The following RCAN3 variants were observed in gnomAD, a reference collection of about 807,000 sequenced individuals.
The protein encoded by RCAN3 is regulator of calcineurin 3.
A neutral mutation model predicts 21.9 loss-of-function variants in RCAN3; 19 were observed. That is an observed-to-expected ratio of 0.87 (90% CI 0.61 to 1.27). RCAN3 has a LOEUF of 1.27. Among genes scored for constraint, RCAN3 ranks in the 50% most tolerant of loss-of-function variants. The probability of loss-of-function intolerance (pLI) is 0.00; values close to 1 mark genes in which losing one functional copy is unlikely to be tolerated. For synonymous variants in RCAN3, 114 were observed against 112.3 expected, an observed-to-expected ratio of 1.01 and a Z score of -0.09; for missense variants, 240 against 300.1, an observed-to-expected ratio of 0.80 and a Z score of 1.48.
At chr1:24,526,881 A>G (rs1265643578) in intron 2 of RCAN3, among the ~76,000 whole-genome samples, 4 of 152,204 alleles carry the variant, frequency 2.6e-5, no homozygotes, top group African/African-American at 4.8e-5. Flanking sequence ...AAAGCTAGCC[A>G]CCTTTGAAAT....
chr1:24,502,792 T>C (rs1213879349), upstream of RCAN3: 1 of 150,400 alleles, frequency 6.6e-6, no homozygotes, highest in East Asian at 2.0e-4. Flanking sequence ...GTCCCCGCCT[T>C]GTCCTGGGCT....
At chr1:24,517,817 A>G (rs1648465992) in intron 2 of RCAN3, among the ~76,000 whole-genome samples, 1 of 151,888 alleles carries the variant, frequency 6.6e-6, no homozygotes, top group Non-Finnish European at 1.5e-5. Flanking sequence ...ACAGAGTGAG[A>G]CCTCGTTTCT....
intron 4 of RCAN3, 114 bp downstream of exon 4, chr1:24,533,368 C>A: frequency 2.5e-6 from 2 of 791,346 alleles, no homozygotes; most frequent in Non-Finnish European, 1.8e-6. Context: ...AAGTCAAACA[C>A]ACCTGGGTTC....
Position 24,538,921 on chromosome 1 carries a change from A to T in RCAN3, c.*3644A>T, listed in dbSNP as rs1040101233. The T allele has an allele frequency of 6.6e-5, 10 of 152,102 alleles. No homozygotes were observed. Among genetic ancestry groups the T allele is most frequent in the Non-Finnish European group, 1.5e-4 (10 of 67,990 alleles). The allele number at this position is 152,102 out of a possible 1,614,324, so 9.4% of individuals were successfully genotyped here. A position where few individuals can be genotyped will look rare whatever the true frequency, so the allele number is the denominator to read the frequency against. ...CAAGACCAGCCTGGGCAACATAGCA[A>T]GTCCCTGGCTCAAAAAAAAAAAAGT... is the stretch of plus-strand genomic sequence containing the variant. On this transcript the variant is annotated 3_prime_UTR_variant, in exon 5 of 5. Transcript: ENST00000374395.
upstream of RCAN3, chr1:24,502,784 C>T (rs1224632916): frequency 6.6e-6 from 1 of 151,106 alleles, no homozygotes; most frequent in African/African-American, 2.4e-5. Flanking sequence ...CCGCCCGGGT[C>T]CCCGCCTTGT....
rs955832607 is a variant in RCAN3, at chr1:24,539,983, A to T, written c.*4706A>T. ...CTGTAAGTCCATGTTACAGAAACTC[A>T]CTATTTAAAAAGTTTTAAAAGATTT... On this transcript the variant is annotated 3_prime_UTR_variant, in exon 5 of 5. Coordinates refer to ENST00000374395, the MANE Select transcript of RCAN3 (RefSeq NM_013441.4). 6.6e-6 allele frequency: 1 copy of T among 152,248 alleles called. No individual in the cohort carries two copies. Among genetic ancestry groups the T allele is most frequent in the Non-Finnish European group, 1.5e-5 (1 of 68,050 alleles). 9.4% of individuals were successfully genotyped at this position (152,248 alleles called of 1,614,324 possible). A position where few individuals can be genotyped will look rare whatever the true frequency, so the allele number is the denominator to read the frequency against.
intron 1 of RCAN3, among the ~76,000 whole-genome samples, chr1:24,512,522 A>G (rs1157007825): frequency 7.9e-5 from 12 of 152,176 alleles, no homozygotes; most frequent in African/African-American, 2.4e-4. Flanking sequence ...CAGAAAATGT[A>G]TATACAAATG....
At position 24,535,531 on chromosome 1, in the gene RCAN3, C is replaced by G. The variant is rs370289589; in HGVS notation, c.*254C>G. 1.2e-4 allele frequency: 45 copies of G among 371,668 alleles called. No homozygotes were observed. The highest frequency in any genetic ancestry group is 8.3e-4 in the African/African-American group (40 of 48,056). 23.0% of individuals were successfully genotyped at this position (371,668 alleles called of 1,614,324 possible). A position where few individuals can be genotyped will look rare whatever the true frequency, so the allele number is the denominator to read the frequency against. Reference sequence around the variant, plus strand: ...GCCCCCAAGATGTGGCCACCCTTAACCATTTTTAAATAGTAACAAATTAGG... The same window carrying G: ...GCCCCCAAGATGTGGCCACCCTTAAGCATTTTTAAATAGTAACAAATTAGG... On this transcript the variant is annotated 3_prime_UTR_variant, in exon 5 of 5. Transcript: ENST00000374395.
chr1:24,527,030 T>C (rs954994586), intron 2 of RCAN3, among the ~76,000 whole-genome samples: 1 of 152,206 alleles, frequency 6.6e-6, no homozygotes, highest in African/African-American at 2.4e-5. Flanking sequence ...TATTTTGTTA[T>C]TTATGTATAT....
chr1:24,503,719 TTC>T (rs1243552691), intron 1 of RCAN3, among the ~76,000 whole-genome samples: 1 of 152,226 alleles, frequency 6.6e-6, no homozygotes, highest in Non-Finnish European at 1.5e-5. Flanking sequence ...GAGATTAGGA[TTC>T]TAGTGTAGGA....
intron 2 of RCAN3, among the ~76,000 whole-genome samples, chr1:24,528,855 C>T (rs1293324692): frequency 1.3e-5 from 2 of 151,924 alleles, no homozygotes; most frequent in Non-Finnish European, 2.9e-5. Flanking sequence ...ATATACTGAA[C>T]ATGTTTATAA....
chr1:24,509,950 A>G (rs79210374), intron 1 of RCAN3, among the ~76,000 whole-genome samples: 2,128 of 152,106 alleles, frequency 0.014, 21 homozygotes, highest in Middle Eastern at 0.044. Context: ...AGGCATGAAA[A>G]GAACATTCAT....
At position 24,540,712 on chromosome 1, in the gene RCAN3, A is replaced by C. The variant is rs1326659172; in HGVS notation, c.*5435A>C. 6.6e-6 allele frequency: 1 copy of C among 152,186 alleles called. No homozygotes were observed. The highest frequency in any genetic ancestry group is 1.5e-5 in the Non-Finnish European group (1 of 68,024). The allele number at this position is 152,186 out of a possible 1,614,324, so 9.4% of individuals were successfully genotyped here. On this transcript the variant is annotated 3_prime_UTR_variant, in exon 5 of 5. Transcript: ENST00000374395. ...AGAGTCAAAGTTATTATTTTCTCCG[A>C]ACGTGTTTGTGATCTTCTGTTATAT...
intron 1 of RCAN3, among the ~76,000 whole-genome samples, chr1:24,505,225 CTTTTTTCTTTTTTTTTT>C (rs1647339706): frequency 2.7e-5 from 3 of 109,564 alleles, no homozygotes; most frequent in Non-Finnish European, 5.4e-5. Flanking sequence ...TTTTTTTTCT[CTTTTTTCTTTTTTTTTT>C]TTTTTTTTTT....
At chr1:24,509,263 A>C (rs1647699765) in intron 1 of RCAN3, among the ~76,000 whole-genome samples, 1 of 152,202 alleles carries the variant, frequency 6.6e-6, no homozygotes, top group African/African-American at 2.4e-5. Context: ...GTGATGCTGT[A>C]GTTTGGGGTG....
chr1:24,516,661 C>T (rs181906590), intron 2 of RCAN3, among the ~76,000 whole-genome samples: 48 of 152,186 alleles, frequency 3.2e-4, no homozygotes, highest in African/African-American at 1.1e-3. Flanking sequence ...GGGAAACGGT[C>T]GGAGGGTTTC....
At chr1:24,522,671 G>A (rs1296286049) in intron 2 of RCAN3, among the ~76,000 whole-genome samples, 2 of 152,184 alleles carry the variant, frequency 1.3e-5, no homozygotes, top group African/African-American at 4.8e-5. Context: ...CACTCAGCGT[G>A]TGTGCCTTTG....
chr1:24,529,840 T>C (rs1649603901), intron 2 of RCAN3, among the ~76,000 whole-genome samples: 1 of 151,366 alleles, frequency 6.6e-6, no homozygotes, highest in Non-Finnish European at 1.5e-5. Context: ...CTTGAGCCAC[T>C]GTGCCCTGCC....
Position 24,514,278 on chromosome 1 carries a change from G to A in RCAN3, c.-59-36G>A, listed in dbSNP as rs196403. On this transcript the variant is annotated intron_variant, in intron 1 of 4. Coordinates refer to ENST00000374395, the MANE Select transcript of RCAN3 (RefSeq NM_013441.4). ...TTGATTGGAACATTATTTGGTCTTC[G>A]GAGTTTTACCTCTGCATTTTCTTTT... 585,367 of 1,111,108 alleles carry A rather than the reference G, an allele frequency of 0.53. 160,623 individuals are homozygous for A. The highest frequency in any genetic ancestry group is 0.89 in the African/African-American group (55,859 of 62,594). The allele number at this position is 1,111,108 out of a possible 1,614,324, so 68.8% of individuals were successfully genotyped here. A position where few individuals can be genotyped will look rare whatever the true frequency, so the allele number is the denominator to read the frequency against.
Sources: allele counts gnomAD v4.1 joint callset (sites outside exome capture counted in the v4.1 genomes callset), GRCh38; gene constraint gnomAD v4.1.1; transcripts MANE v1.5; gene names NCBI Gene and HGNC (gene_info 2026-07-23, HGNC 2026-07-21).